ARHGEF3: variants seen among roughly 807,000 people sequenced by gnomAD.
ARHGEF3 encodes 59.8 kDA protein.
A neutral mutation model predicts 63.2 loss-of-function variants in ARHGEF3; 28 were observed. The ratio of observed to expected loss-of-function variants is 0.44; its 90% CI spans 0.33 to 0.61. ARHGEF3 has a LOEUF of 0.61. Ranked by LOEUF, ARHGEF3 falls within the 20% of genes least tolerant of loss-of-function variation. ARHGEF3 has a pLI of 0.03. For synonymous variants in ARHGEF3, 266 were observed against 254.2 expected (o/e 1.05, Z -0.44); for missense variants, 533 against 659.3 (o/e 0.81, Z 2.10).
intron 2 of ARHGEF3, among the ~76,000 whole-genome samples, chr3:56,773,225 C>T (rs1269464050): frequency 2.6e-5 from 4 of 152,152 alleles, no homozygotes; most frequent in African/African-American, 7.2e-5. Flanking sequence ...TCATGTGTCA[C>T]GAAACAGCAC....
intron 2 of ARHGEF3, among the ~76,000 whole-genome samples, chr3:56,967,657 G>T (rs1700613869): frequency 7.5e-5 from 5 of 66,344 alleles, no homozygotes; most frequent in South Asian, 5.2e-4. Flanking sequence ...ATATAAAATA[G>T]CTATTATATA....
intron 3 of ARHGEF3, among the ~76,000 whole-genome samples, chr3:56,901,061 C>G (rs942770320): frequency 1.3e-5 from 2 of 152,204 alleles, no homozygotes; most frequent in Non-Finnish European, 1.5e-5. Flanking sequence ...TTGGGAAACA[C>G]TTTCCAGAAA....
intron 9 of ARHGEF3, 25 bp downstream of exon 9, chr3:56,732,213 G>T (rs1480192344): frequency 3.7e-6 from 6 of 1,612,554 alleles, no homozygotes; most frequent in Non-Finnish European, 5.1e-6. Flanking sequence ...ACATTCAACA[G>T]GTCAACCCCG....
intron 2 of ARHGEF3, among the ~76,000 whole-genome samples, chr3:57,001,804 G>A (rs1579060659): frequency 6.6e-6 from 1 of 151,858 alleles, no homozygotes; most frequent in East Asian, 1.9e-4. Flanking sequence ...ACCTCCTCCT[G>A]CCTTCAACAC....
At chr3:56,796,906 C>A (rs1051815021) in intron 1 of ARHGEF3, among the ~76,000 whole-genome samples, 1 of 152,122 alleles carries the variant, frequency 6.6e-6, no homozygotes, top group Non-Finnish European at 1.5e-5. Context: ...TACGGTAAAG[C>A]CCCTAATGCA....
chr3:57,002,462 C>CTATATATATATATATATATATTT, intron 2 of ARHGEF3, among the ~76,000 whole-genome samples: 1 of 38,678 alleles, frequency 2.6e-5, no homozygotes, highest in East Asian at 8.9e-4. Context: ...GTTCTAAGCA[C>CTATATATATATATATATATATTT]TATATATATA....
At chr3:56,801,990 C>G, upstream of ARHGEF3, 4 of 1,192,694 alleles carry the variant, frequency 3.4e-6, no homozygotes, top group Non-Finnish European at 4.5e-6. Context: ...CCAGCCACGC[C>G]TTGATGGGTG....
In ARHGEF3 at chr3:56,745,359, T is replaced by C. The variant is rs1046039305; in HGVS notation, c.716A>G (p.Gln239Arg). 1 of 1,613,964 alleles carries C rather than the reference T, an allele frequency of 6.2e-7. No individual in the cohort carries two copies. Among genetic ancestry groups the C allele is most frequent in the Non-Finnish European group, 8.5e-7 (1 of 1,180,028 alleles). Residue 239 changes from glutamine to arginine, a missense_variant, in exon 7 of 10, where the codon CAG becomes CGG. This residue lies in a region of ARHGEF3 where 107 missense variants were observed against 207.9 expected (regional missense o/e 0.51). Transcript: ENST00000296315. ...KQDHRVQDFL[Q>R]RCLESPFSRK... The stretch of plus-strand genomic sequence containing the variant: ...GCTAAAGGGGGATTCTAAACATCGC[T>C]GTAGGAAATCCTGGACTCGGTGATC...
chr3:56,950,298 A>C (rs1292471560), intron 3 of ARHGEF3, among the ~76,000 whole-genome samples: 1 of 152,096 alleles, frequency 6.6e-6, no homozygotes, highest in Admixed American at 6.5e-5. Flanking sequence ...ATTAAACTAA[A>C]GAGCTTCTGC....
At chr3:56,916,560 G>T in intron 3 of ARHGEF3, 1 of 1,217,638 alleles carries the variant, frequency 8.2e-7, no homozygotes. Flanking sequence ...TGCTACTGCT[G>T]CTTTTGCAGA....
In ARHGEF3 at chr3:56,732,407, C is replaced by T; in HGVS notation, c.1059G>A (p.Leu353=). Residue 353 remains leucine, a synonymous_variant, in exon 9 of 10, where the codon CTG becomes CTA. Coordinates refer to ENST00000296315, the MANE Select transcript of ARHGEF3 (RefSeq NM_019555.3). ...NNRGVKLHVF[L]FQEVLVITRA... ...GAGTGATCACAAGCACTTCTTGGAA[C>T]AGGAAAACATGCAGTTTCTAGAAGA... is the stretch of plus-strand genomic sequence containing the variant. 1 of 1,613,958 alleles carries T rather than the reference C, an allele frequency of 6.2e-7. No homozygotes were observed. Among genetic ancestry groups the T allele is most frequent in the African/African-American group, 1.3e-5 (1 of 74,950 alleles).
At chr3:56,775,533 G>A (rs2036242194) in intron 1 of ARHGEF3, 1 of 986,820 alleles carries the variant, frequency 1.0e-6, no homozygotes, top group Non-Finnish European at 1.2e-6. Context: ...TGAACAGACA[G>A]CAGAAAACTC....
At position 56,967,461 on chromosome 3, in the gene ARHGEF3, T is replaced by TATATTATATAATATATTATATATTATAC. The variant is rs1560091976; in HGVS notation, c.63-8573_63-8572insGTATAATATATAATATATTATATAATAT. 9.2e-3 allele frequency among the ~76,000 whole-genome samples: 602 copies of TATATTATATAATATATTATATATTATAC among 65,630 alleles called. 116 individuals carry two copies. Among genetic ancestry groups the TATATTATATAATATATTATATATTATAC allele is most frequent in the Admixed American group, 0.015 (45 of 3,028 alleles). The allele number at this position is 65,630 out of a possible 152,430, so 43.1% of individuals were successfully genotyped here. A position where few individuals can be genotyped will look rare whatever the true frequency, so the allele number is the denominator to read the frequency against. On this transcript the variant is annotated intron_variant, in intron 2 of 12. Transcript: ENST00000338458. ...AATATATTATATATTATACATATTATATATTATATAATATATTATATAATA... is the reference window on the plus strand; with the variant it reads ...AATATATTATATATTATACATATTATATATTATATAATATATTATATATTATACATATTATATAATATATTATATAATA...
intron 1 of ARHGEF3, among the ~76,000 whole-genome samples, chr3:56,788,070 C>T (rs1032633644): frequency 6.6e-6 from 1 of 152,188 alleles, no homozygotes; most frequent in African/African-American, 2.4e-5. Context: ...ATTTGGCATT[C>T]AAGCCCTATC....
Position 56,773,828 on chromosome 3 carries a change from A to T in ARHGEF3, c.97-12T>A. On this transcript the variant is annotated splice_polypyrimidine_tract_variant and intron_variant, in intron 1 of 9. Transcript: ENST00000296315. ...TTATTACTAGGCTCCTATAGAGTTA[A>T]AAAAAAAAAAAAGTAAAATGTCAAG... 1.9e-6 allele frequency: 2 copies of T among 1,058,094 alleles called. No individual in the cohort carries two copies. Among genetic ancestry groups the T allele is most frequent in the Non-Finnish European group, 1.3e-6 (1 of 789,478 alleles). 65.5% of individuals were successfully genotyped at this position (1,058,094 alleles called of 1,614,324 possible).
intron 4 of ARHGEF3, among the ~76,000 whole-genome samples, chr3:56,868,552 G>A (rs1019297200): frequency 3.3e-5 from 5 of 151,884 alleles, no homozygotes; most frequent in East Asian, 3.9e-4. Context: ...TAGTACAGAC[G>A]GGGTTTCACC....
intron 4 of ARHGEF3, among the ~76,000 whole-genome samples, chr3:56,841,397 C>A (rs1311036122): frequency 6.6e-6 from 1 of 152,150 alleles, no homozygotes; most frequent in Non-Finnish European, 1.5e-5. Context: ...TACATGAGAT[C>A]TTCCATGTCC....
intron 9 of ARHGEF3, 89 bp from the exon 10 acceptor site, chr3:56,729,711 G>C (rs750310146): frequency 8.2e-6 from 9 of 1,103,308 alleles, no homozygotes; most frequent in Non-Finnish European, 1.2e-5. Context: ...CTAAACCCCA[G>C]AATCCATGGC....
In ARHGEF3 at chr3:56,753,581, A is replaced by T; in HGVS notation, c.376-15T>A. On this transcript the variant is annotated splice_polypyrimidine_tract_variant and intron_variant, in intron 3 of 9. Transcript: ENST00000296315. The stretch of plus-strand genomic sequence containing the variant: ...TCAAAGATCGCCTGCAAGGAAAGAT[A>T]AACATATTCACTGAATTCTCCCTTC... 1 of 1,611,098 alleles carries T rather than the reference A, an allele frequency of 6.2e-7. No homozygotes were observed. Among genetic ancestry groups the T allele is most frequent in the Non-Finnish European group, 8.5e-7 (1 of 1,178,060 alleles).
Sources: gnomAD v4.1 joint callset for allele counts (sites outside exome capture counted in the v4.1 genomes callset) on GRCh38, gnomAD v4.1.1 for gene constraint, gnomAD v4.1.1 regional missense constraint, MANE v1.5 for transcripts, NCBI Gene and HGNC (gene_info 2026-07-23, HGNC 2026-07-21) for gene names.